BCLAF3: variants seen among roughly 807,000 people sequenced by gnomAD.
BCLAF3 encodes BCLAF1 and THRAP3 family member 3.
A neutral mutation model predicts 51.2 loss-of-function variants in BCLAF3; 24 were observed. The observed-to-expected ratio is 0.47, with a 90% CI of 0.34 to 0.66. The LOEUF (loss-of-function observed/expected upper bound fraction) is 0.66, where lower values mean the gene tolerates loss of function less well. BCLAF3 is among the 30% of genes least tolerant of loss of function. The pLI is 0.01. For missense variants in BCLAF3, 465 were observed against 525.1 expected, an observed-to-expected ratio of 0.89 and a Z score of 1.12; for synonymous variants, 152 against 176.6, an observed-to-expected ratio of 0.86 and a Z score of 1.10.
intron 4 of BCLAF3, among the ~76,000 whole-genome samples, chrX:19,956,340 C>T (rs1469770544): frequency 8.9e-6 from 1 of 111,800 alleles, no homozygotes; most frequent in Non-Finnish European, 1.9e-5. Context: ...GGGCTTACCA[C>T]ATGCCCTCAT....
At chrX:19,962,362 T>C (rs907325088) in intron 4 of BCLAF3, among the ~76,000 whole-genome samples, 16 of 110,976 alleles carry the variant, frequency 1.4e-4, no homozygotes, top group Non-Finnish European at 2.8e-4. Context: ...TTGTATTTTT[T>C]GTAGAGATGG....
Position 19,953,069 on chromosome X carries a change from T to A in BCLAF3, c.1566-18A>T. The A allele has an allele frequency of 2.7e-6, 3 of 1,124,968 alleles. No homozygotes were observed. Among genetic ancestry groups the A allele is most frequent in the Non-Finnish European group, 3.6e-6 (3 of 822,373 alleles). 92.7% of individuals were successfully genotyped at this position (1,124,968 alleles called of 1,213,427 possible). A position where few individuals can be genotyped will look rare whatever the true frequency, so the allele number is the denominator to read the frequency against. On this transcript the variant is annotated intron_variant, in intron 6 of 11. Coordinates refer to ENST00000379682, the MANE Select transcript of BCLAF3 (RefSeq NM_001367774.2). The stretch of plus-strand genomic sequence containing the variant: ...CTATTCTCCTAAAATAATAAAGGCA[T>A]AGTACAACTAAATAATTATGTTATA...
At chrX:19,968,315 A>T (rs905543796) in intron 2 of BCLAF3, among the ~76,000 whole-genome samples, 5 of 112,541 alleles carry the variant, frequency 4.4e-5, no homozygotes, top group African/African-American at 9.7e-5. Context: ...AGGCACTGAC[A>T]ACCTTTGTTC....
At chrX:19,950,059 C>CA (rs1235399904) in intron 8 of BCLAF3, among the ~76,000 whole-genome samples, 1 of 111,747 alleles carries the variant, frequency 8.9e-6, no homozygotes, top group African/African-American at 3.3e-5. Context: ...CCATATATGA[C>CA]ATAAGTACTT....
At chrX:19,950,373 A>C (rs1233811472) in intron 8 of BCLAF3, among the ~76,000 whole-genome samples, 1 of 112,242 alleles carries the variant, frequency 8.9e-6, no homozygotes, top group Non-Finnish European at 1.9e-5. Context: ...TGACTTCAGG[A>C]AATTTTCTAC....
intron 4 of BCLAF3, 85 bp downstream of exon 4, chrX:19,964,959 C>T (rs2071995526): frequency 1.2e-6 from 1 of 847,460 alleles, no homozygotes; most frequent in Non-Finnish European, 1.6e-6. Flanking sequence ...GGACTCTAAA[C>T]ACACTATTAA....
At chrX:19,928,105 AC>A (rs1213220281) in intron 11 of BCLAF3, among the ~76,000 whole-genome samples, 1 of 102,890 alleles carries the variant, frequency 9.7e-6, no homozygotes, top group Non-Finnish European at 2.0e-5. Context: ...CTGGTCTCGA[AC>A]TCCTGGGCTC....
intron 1 of BCLAF3, among the ~76,000 whole-genome samples, chrX:19,978,331 G>A (rs2072496256): frequency 8.9e-6 from 1 of 112,023 alleles, no homozygotes; most frequent in Non-Finnish European, 1.9e-5. Flanking sequence ...CTCATGGGAG[G>A]AGGTCAAAAT....
chrX:19,957,078 G>C (rs1001189021), intron 4 of BCLAF3, among the ~76,000 whole-genome samples: 4 of 111,779 alleles, frequency 3.6e-5, no homozygotes, highest in African/African-American at 1.3e-4. Flanking sequence ...CTAACTTTCC[G>C]TGCTCCCTGC....
chrX:19,951,617 A>C, intron 7 of BCLAF3, among the ~76,000 whole-genome samples: 1 of 100,130 alleles, frequency 1.0e-5, no homozygotes, highest in African/African-American at 3.7e-5. Context: ...AAAAGAAACA[A>C]ACAAAAAAGT....
chrX:19,946,357 C>A (rs1289998563), intron 8 of BCLAF3, among the ~76,000 whole-genome samples: 1 of 112,175 alleles, frequency 8.9e-6, no homozygotes, highest in East Asian at 2.8e-4. Flanking sequence ...AAATACCCAT[C>A]TTGGATCATG....
chrX:19,989,725 G>A (rs1016492441), intron 1 of BCLAF3, among the ~76,000 whole-genome samples: 3 of 110,789 alleles, frequency 2.7e-5, no homozygotes, highest in African/African-American at 1.0e-4. Context: ...TACTTGGAAT[G>A]GGGAAACCAT....
At chrX:19,985,972 G>A (rs755056051) in intron 1 of BCLAF3, among the ~76,000 whole-genome samples, 131 of 109,831 alleles carry the variant, frequency 1.2e-3, no homozygotes, top group African/African-American at 4.0e-3. Flanking sequence ...AGCAAAAAAA[G>A]ATGAAAGTAG....
At chrX:19,920,591 G>A (rs972367112) in intron 11 of BCLAF3, among the ~76,000 whole-genome samples, 1 of 111,308 alleles carries the variant, frequency 9.0e-6, no homozygotes, top group Non-Finnish European at 1.9e-5. Context: ...AGGCCGAGGT[G>A]GGTGGATCGC....
chrX:19,917,344 G>C lies in BCLAF3; in HGVS notation c.2107-10C>G, dbSNP rs1386816914. On this transcript the variant is annotated splice_polypyrimidine_tract_variant and intron_variant, in intron 11 of 11. Coordinates refer to ENST00000379682, the MANE Select transcript of BCLAF3 (RefSeq NM_001367774.2). ...CAACATCTGTATATTCCTATTGAGA[G>C]AAAACAAGAGAAATAAAGACTTCAA... is the stretch of plus-strand genomic sequence containing the variant. 1.7e-6 allele frequency: 2 copies of C among 1,173,774 alleles called. No homozygotes were observed. The highest frequency in any genetic ancestry group is 3.0e-5 in the East Asian group (1 of 33,399).
chrX:19,948,602 C>CA (rs1212218058), intron 8 of BCLAF3, among the ~76,000 whole-genome samples: 174 of 102,395 alleles, frequency 1.7e-3, no homozygotes, highest in African/African-American at 4.1e-3. Flanking sequence ...CCCGTCTCTA[C>CA]AAAAAAAAAA....
At chrX:19,964,416 T>A (rs1418227633) in intron 4 of BCLAF3, among the ~76,000 whole-genome samples, 5 of 111,678 alleles carry the variant, frequency 4.5e-5, no homozygotes, top group African/African-American at 1.6e-4. Context: ...TATAAATAGG[T>A]ATCTTCCCAG....
chrX:19,967,897 A>G (rs769029436), intron 2 of BCLAF3, among the ~76,000 whole-genome samples: 1 of 112,192 alleles, frequency 8.9e-6, no homozygotes, highest in East Asian at 2.8e-4. Context: ...GGAGTCACCA[A>G]GCTAGACATA....
intron 1 of BCLAF3, among the ~76,000 whole-genome samples, chrX:19,990,638 G>C (rs1447140564): frequency 8.8e-6 from 1 of 113,337 alleles, no homozygotes; most frequent in Non-Finnish European, 1.9e-5. Flanking sequence ...CGCGGCAGCA[G>C]GTGCCCGGGT....
Sources: gnomAD v4.1 joint callset for allele counts (sites outside exome capture counted in the v4.1 genomes callset) on GRCh38, gnomAD v4.1.1 for gene constraint, MANE v1.5 for transcripts, NCBI Gene and HGNC (gene_info 2026-07-23, HGNC 2026-07-21) for gene names.